Variants in SEMA6A observed in about 807,000 individuals in gnomAD.
The protein encoded by SEMA6A is semaphorin-6A.
Under a neutral mutation model 96.8 loss-of-function variants are expected in SEMA6A, and 25 were observed. That is an observed-to-expected ratio of 0.26 (90% CI 0.19 to 0.36). SEMA6A has a LOEUF of 0.36. SEMA6A is among the 10% of genes least tolerant of loss of function. SEMA6A has a pLI of 1.00. For synonymous variants in SEMA6A, 612 were observed against 518.0 expected, an observed-to-expected ratio of 1.18 and a Z score of -2.46; for missense variants, 1,363 against 1,323.1, an observed-to-expected ratio of 1.03 and a Z score of -0.47.
chr5:116,482,321 G>A, intron 11 of SEMA6A, 123 bp downstream of exon 11: 2 of 1,065,868 alleles, frequency 1.9e-6, no homozygotes, highest in South Asian at 1.6e-5. Flanking sequence ...TTAATGAGAT[G>A]AAGGCAATCT....
chr5:116,448,706 G>A (rs557222414), intron 18 of SEMA6A, among the ~76,000 whole-genome samples: 1 of 127,770 alleles, frequency 7.8e-6, no homozygotes, highest in South Asian at 2.5e-4. Flanking sequence ...AGAGAATATA[G>A]CTAAAGTTCA....
chr5:116,469,535 A>G lies in SEMA6A; in HGVS notation c.1730-1788T>C, dbSNP rs578259985. On this transcript the variant is annotated intron_variant, in intron 17 of 18. Transcript: ENST00000343348. The stretch of plus-strand genomic sequence containing the variant: ...ATTCAGTGCCCAGCATAAGCAAATA[A>G]TTAGAAATAGCTTTGTAGGGAGTTA... The G allele has an allele frequency of 3.3e-5, 5 of 152,330 alleles. No individual in the cohort carries two copies. The South Asian group carries it at 1.0e-3, about 32-fold the overall frequency. 9.4% of individuals were successfully genotyped at this position (152,330 alleles called of 1,614,324 possible). A position where few individuals can be genotyped will look rare whatever the true frequency, so the allele number is the denominator to read the frequency against.
chr5:116,483,626 GAATAATAATTGCTT>G (rs563336404), intron 10 of SEMA6A, among the ~76,000 whole-genome samples: 570 of 152,188 alleles, frequency 3.7e-3, no homozygotes, highest in South Asian at 0.017. Context: ...GAAAATTATT[GAATAATAATTGCTT>G]AATAATAATT....
chr5:116,451,038 G>T (rs1350176675), intron 18 of SEMA6A, among the ~76,000 whole-genome samples: 1 of 152,204 alleles, frequency 6.6e-6, no homozygotes, highest in Non-Finnish European at 1.5e-5. Flanking sequence ...AAAGCAGCTA[G>T]AGAAGATCTC....
In SEMA6A at chr5:116,488,925, G is replaced by A; in HGVS notation, c.618C>T (p.Thr206=). Residue 206 remains threonine, a synonymous_variant, in exon 8 of 19, where the codon ACC becomes ACT. Coordinates refer to ENST00000343348, the MANE Select transcript of SEMA6A (RefSeq NM_020796.5). ...TTGAATCGTGCTTGACGGTCCGCAG[G>A]GTAGGGCTTTCTCCAAGACTCCGGT... ...VIYRSLGESP[T]LRTVKHDSKW... is the part of the protein sequence containing the mutation. The A allele has an allele frequency of 6.3e-7, 1 of 1,589,088 alleles. No individual in the cohort carries two copies. The highest frequency in any genetic ancestry group is 8.6e-7 in the Non-Finnish European group (1 of 1,166,706).
chr5:116,472,949 A>G (rs1461693847), intron 17 of SEMA6A, 124 bp downstream of exon 17: 1 of 1,524,242 alleles, frequency 6.6e-7, no homozygotes, highest in South Asian at 1.3e-5. Context: ...TAAAAAAATG[A>G]TGAGGATAAA....
chr5:116,534,645 C>G (rs980140411), intron 1 of SEMA6A, among the ~76,000 whole-genome samples: 1 of 152,126 alleles, frequency 6.6e-6, no homozygotes, highest in African/African-American at 2.4e-5. Flanking sequence ...TTTAATGTAC[C>G]CCGTTCTCTC....
chr5:116,547,157 A>G (rs370032832), intron 1 of SEMA6A, among the ~76,000 whole-genome samples: 28 of 152,326 alleles, frequency 1.8e-4, no homozygotes, highest in African/African-American at 4.8e-4. Context: ...ATTAGCCTCA[A>G]CAAAATTTAT....
intron 1 of SEMA6A, among the ~76,000 whole-genome samples, chr5:116,534,176 TATCTA>T (rs948973750): frequency 1.3e-5 from 2 of 152,252 alleles, no homozygotes; most frequent in Non-Finnish European, 2.9e-5. Context: ...GCAATCAGAC[TATCTA>T]CTGGATCCTA....
At chr5:116,464,927 C>A (rs560325926) in intron 18 of SEMA6A, among the ~76,000 whole-genome samples, 1 of 152,130 alleles carries the variant, frequency 6.6e-6, no homozygotes, top group Non-Finnish European at 1.5e-5. Flanking sequence ...GCAATGGACA[C>A]TTGACTCCTC....
chr5:116,531,167 T>C (rs1316977314), intron 1 of SEMA6A, among the ~76,000 whole-genome samples: 1 of 151,632 alleles, frequency 6.6e-6, no homozygotes, highest in East Asian at 1.9e-4. Context: ...TGCAGGGCAC[T>C]ATACTAGAGT....
At position 116,497,189 on chromosome 5, in the gene SEMA6A, T is replaced by C. The variant is rs955552101; in HGVS notation, c.279+138A>G. On this transcript the variant is annotated intron_variant, in intron 4 of 18. Transcript: ENST00000343348. ...TATCAAATCCTAACCTATTCCCTAATTAGGATTTCACAAAATGCATGTTGG... is the reference window on the plus strand; with the variant it reads ...TATCAAATCCTAACCTATTCCCTAACTAGGATTTCACAAAATGCATGTTGG... The C allele has an allele frequency of 5.2e-6, 3 of 580,620 alleles. No homozygotes were observed. The African/African-American group carries it at 5.7e-5, about 11-fold the overall frequency. The allele number at this position is 580,620 out of a possible 1,614,324, so 36.0% of individuals were successfully genotyped here.
chr5:116,484,567 C>A (rs1164465181), intron 10 of SEMA6A, among the ~76,000 whole-genome samples: 1 of 151,616 alleles, frequency 6.6e-6, no homozygotes, highest in African/African-American at 2.4e-5. Flanking sequence ...GAGGTTGCAG[C>A]GAGTAGAGAT....
chr5:116,555,097 T>C (rs1448307128), intron 1 of SEMA6A, among the ~76,000 whole-genome samples: 2 of 152,168 alleles, frequency 1.3e-5, no homozygotes, highest in African/African-American at 4.8e-5. Flanking sequence ...CCAGTTCCCA[T>C]TATCCAGCTC....
chr5:116,448,355 A>G (rs947648330), intron 18 of SEMA6A, among the ~76,000 whole-genome samples: 4 of 152,006 alleles, frequency 2.6e-5, no homozygotes, highest in Admixed American at 6.5e-5. Flanking sequence ...AAAAAAAGAA[A>G]GAAAGAAAAG....
chr5:116,486,966 C>T lies in SEMA6A; in HGVS notation c.745G>A (p.Val249Ile). 1 of 1,610,302 alleles carries T rather than the reference C, an allele frequency of 6.2e-7. No individual in the cohort carries two copies. The highest frequency in any genetic ancestry group is 8.5e-7 in the Non-Finnish European group (1 of 1,176,876). ...ACCTGAGCCACTCTTGGGAAAACTA[C>T]CTGCAGAGGAAAAACACATAGGGAA... ...IAVEYNTMGKVVFPRVAQVCK... is the reference protein window; with the variant it reads ...IAVEYNTMGKIVFPRVAQVCK... The change falls in exon 10 of 19, where the codon GTA becomes ATA. Residue 249 changes from valine (V) to isoleucine (I), a missense_variant and splice_region_variant. By Grantham distance (29) the Val-to-Ile change is conservative (BLOSUM62 3). Transcript: ENST00000343348.
intron 18 of SEMA6A, chr5:116,449,642 C>T (rs1754499229): frequency 3.2e-6 from 1 of 314,478 alleles, no homozygotes; most frequent in Non-Finnish European, 5.9e-6. Context: ...CTCCTCCCTT[C>T]AATTGTGACA....
At chr5:116,484,605 A>G (rs1756949343) in intron 10 of SEMA6A, among the ~76,000 whole-genome samples, 1 of 152,008 alleles carries the variant, frequency 6.6e-6, no homozygotes, top group Non-Finnish European at 1.5e-5. Flanking sequence ...CCTGGGTGAC[A>G]GAGCGAGACT....
intron 1 of SEMA6A, among the ~76,000 whole-genome samples, chr5:116,505,773 C>T (rs1011460433): frequency 9.9e-5 from 15 of 151,908 alleles, no homozygotes; most frequent in African/African-American, 3.6e-4. Flanking sequence ...GTCAGATATA[C>T]TGTTCTACCC....
Sources: allele counts gnomAD v4.1 joint callset (sites outside exome capture counted in the v4.1 genomes callset), GRCh38; gene constraint gnomAD v4.1.1; transcripts MANE v1.5; gene names NCBI Gene and HGNC (gene_info 2026-07-23, HGNC 2026-07-21).